SPTBN1: variants seen among roughly 807,000 people sequenced by gnomAD.
SPTBN1 encodes the protein spectrin beta, non-erythrocytic 1.
SPTBN1 carries 32 observed loss-of-function variants against 266.4 expected under a neutral mutation model. The ratio of observed to expected loss-of-function variants is 0.12; its 90% CI spans 0.09 to 0.16. The LOEUF (loss-of-function observed/expected upper bound fraction) is 0.16. Among genes scored for constraint, SPTBN1 ranks in the 10% least tolerant of loss-of-function variants. SPTBN1 has a pLI of 1.00. For synonymous variants in SPTBN1, 1,336 were observed against 1,162.2 expected (o/e 1.15, Z -3.04); for missense variants, 2,296 against 3,067.1 (o/e 0.75, Z 5.94).
At chr2:54,547,083 A>C (rs1280653657) in intron 2 of SPTBN1, among the ~76,000 whole-genome samples, 1 of 152,088 alleles carries the variant, frequency 6.6e-6, no homozygotes, top group Non-Finnish European at 1.5e-5. Context: ...TTTCATTTTG[A>C]AAAACTGAAA....
chr2:54,474,525 A>G (rs563717326), intron 1 of SPTBN1, among the ~76,000 whole-genome samples: 4 of 152,310 alleles, frequency 2.6e-5, no homozygotes, highest in African/African-American at 7.2e-5. Context: ...GTTGGATTAA[A>G]TAAGTTATAG....
rs761461824 is a variant in SPTBN1 at position 54,625,943 on chromosome 2, G to A, written c.1353G>A (p.Gly451=). 1 of 1,613,474 alleles carries A rather than the reference G, an allele frequency of 6.2e-7. No homozygotes were observed. The highest frequency in any genetic ancestry group is 1.3e-5 in the African/African-American group (1 of 75,002). The change falls in exon 12 of 36, where the codon GGG becomes GGA. Residue 451 remains glycine (G), a synonymous_variant. Coordinates refer to ENST00000356805, the MANE Select transcript of SPTBN1 (RefSeq NM_003128.3). ...NQRLVSQDNF[G]FDLPAVEAAT... ...CCGTTTCTCTGTAGGACAACTTTGG[G>A]TTTGACCTTCCTGCAGTTGAGGCCG...
In SPTBN1 at chr2:54,526,500, G is replaced by A. The variant is rs1252120493; in HGVS notation, c.82G>A (p.Asp28Asn). The stretch of plus-strand genomic sequence containing the variant: ...TGATGTCAACAACCGCTGGGATGTC[G>A]ACGACTGGGACAATGAGAACAGCTC... ...YSDVNNRWDV[D>N]DWDNENSSAR... The change falls in exon 2 of 36, where the codon GAC becomes AAC. Residue 28 changes from aspartate to asparagine, a missense_variant. This residue lies in a region of SPTBN1 where 178 missense variants were observed against 375.7 expected (regional missense o/e 0.47). Coordinates refer to ENST00000356805, the MANE Select transcript of SPTBN1 (RefSeq NM_003128.3). The A allele has an allele frequency of 3.1e-6, 5 of 1,614,054 alleles. No individual in the cohort carries two copies. The highest frequency in any genetic ancestry group is 2.2e-5 in the South Asian group (2 of 91,082).
chr2:54,585,196 C>T (rs1185907924), intron 2 of SPTBN1, among the ~76,000 whole-genome samples: 4 of 152,298 alleles, frequency 2.6e-5, no homozygotes, highest in African/African-American at 4.8e-5. Flanking sequence ...TGACCAAGAC[C>T]ATACATTGTC....
chr2:54,558,720 G>A lies in SPTBN1; in HGVS notation c.148+32154G>A. The A allele has an allele frequency of 6.3e-7, 1 of 1,580,858 alleles. No individual in the cohort carries two copies. The highest frequency in any genetic ancestry group is 1.2e-5 in the South Asian group (1 of 86,696). ...GGCTGCTGCGTGTTGGATGGGAGTG[G>A]GAGGGGGCTGGAGCGAGATTTCCAG... On this transcript the variant is annotated intron_variant, in intron 2 of 35. Transcript: ENST00000356805. The surrounding 1 kb of genome is among the most constrained non-coding windows in gnomAD (Gnocchi z 4.6).
intron 2 of SPTBN1, among the ~76,000 whole-genome samples, chr2:54,560,570 A>G (rs1281958312): frequency 6.6e-6 from 1 of 152,134 alleles, no homozygotes; most frequent in Non-Finnish European, 1.5e-5. Flanking sequence ...AAAAAAAATC[A>G]TGTGCCCCTG....
At chr2:54,587,846 T>C (rs1455882588) in intron 2 of SPTBN1, among the ~76,000 whole-genome samples, 5 of 151,776 alleles carry the variant, frequency 3.3e-5, no homozygotes, top group African/African-American at 4.8e-5. Context: ...CGCTGGGGAG[T>C]GGAAGGGGCC....
intron 2 of SPTBN1, among the ~76,000 whole-genome samples, chr2:54,555,100 C>G (rs2104446348): frequency 6.6e-6 from 1 of 152,258 alleles, no homozygotes; most frequent in African/African-American, 2.4e-5. Flanking sequence ...AGTCTCTCTC[C>G]TTAGATTTTC....
At chr2:54,458,762 C>T (rs764944033) in intron 1 of SPTBN1, among the ~76,000 whole-genome samples, 6 of 152,118 alleles carry the variant, frequency 3.9e-5, no homozygotes, top group Non-Finnish European at 8.8e-5. Flanking sequence ...AAATGTCAAC[C>T]CAGGCTTTCC....
rs752141519 is a variant in SPTBN1, at chr2:54,645,224, C to G, written c.4270-5C>G. 73 of 1,613,888 alleles carry G rather than the reference C, an allele frequency of 4.5e-5. No homozygotes were observed. The highest frequency in any genetic ancestry group is 5.9e-5 in the Non-Finnish European group (70 of 1,179,950). On this transcript the variant is annotated splice_region_variant and splice_polypyrimidine_tract_variant and intron_variant, in intron 20 of 35. Transcript: ENST00000356805. The surrounding 1 kb of genome is among the most constrained non-coding windows in gnomAD (Gnocchi z 4.3). ...TGAGCGCTGAGGCTGCTTCTCTGCC[C>G]TCAGATGCTGGAGAATCAGATGGAA...
At chr2:54,478,547 A>G (rs1460680152) in intron 1 of SPTBN1, among the ~76,000 whole-genome samples, 3 of 152,194 alleles carry the variant, frequency 2.0e-5, no homozygotes, top group Non-Finnish European at 4.4e-5. Context: ...TGTATCAAAG[A>G]AGAGTCCAGA....
At chr2:54,507,615 A>G (rs912435401) in intron 1 of SPTBN1, among the ~76,000 whole-genome samples, 2 of 152,318 alleles carry the variant, frequency 1.3e-5, no homozygotes, top group Non-Finnish European at 1.5e-5. Flanking sequence ...AAAAACAGGT[A>G]TAAAAGGACT....
chr2:54,476,752 G>T (rs1181711232), intron 1 of SPTBN1, among the ~76,000 whole-genome samples: 1 of 152,178 alleles, frequency 6.6e-6, no homozygotes, highest in Non-Finnish European at 1.5e-5. Context: ...TTGGGAAGAA[G>T]CTTTGTTTTT....
chr2:54,667,335 T>A (rs1390511432), intron 34 of SPTBN1, among the ~76,000 whole-genome samples: 1 of 152,134 alleles, frequency 6.6e-6, no homozygotes, highest in Non-Finnish European at 1.5e-5. Flanking sequence ...TAAACCCAAA[T>A]GTTATGTTTG....
At position 54,626,904 on chromosome 2, in the gene SPTBN1, A is replaced by G. The variant is rs1046280218; in HGVS notation, c.1644+670A>G. On this transcript the variant is annotated intron_variant, in intron 12 of 35. Coordinates refer to ENST00000356805, the MANE Select transcript of SPTBN1 (RefSeq NM_003128.3). The surrounding 1 kb of genome is among the most constrained non-coding windows in gnomAD (Gnocchi z 4.7). ...CCCCCTTCCCAGGAAGAGACCTGCTATCATGCCATGGCCCTGTACCTGTTC... is the reference window on the plus strand; with the variant it reads ...CCCCCTTCCCAGGAAGAGACCTGCTGTCATGCCATGGCCCTGTACCTGTTC... 5.3e-5 allele frequency among the ~76,000 whole-genome samples: 8 copies of G among 152,328 alleles called. No individual in the cohort carries two copies. Among genetic ancestry groups the G allele is most frequent in the Admixed American group, 3.3e-4 (5 of 15,306 alleles).
intron 4 of SPTBN1, among the ~76,000 whole-genome samples, chr2:54,615,988 G>T (rs370965467): frequency 6.6e-6 from 1 of 152,204 alleles, no homozygotes; most frequent in Admixed American, 6.5e-5. Flanking sequence ...GGGAAGTCCC[G>T]TCAGCCTTCT....
At chr2:54,658,069 G>T (rs1157735123) in intron 30 of SPTBN1, 23 bp downstream of exon 30, 2 of 1,613,770 alleles carry the variant, frequency 1.2e-6, no homozygotes, top group Admixed American at 1.7e-5. Context: ...TGGGCCCTTT[G>T]TCTGTTGGTG....
intron 2 of SPTBN1, among the ~76,000 whole-genome samples, chr2:54,569,196 G>A (rs74586530): frequency 0.025 from 3,793 of 152,174 alleles, 164 homozygotes; most frequent in African/African-American, 0.084. Context: ...GGGAGATAAG[G>A]GAATTCAGTT....
chr2:54,631,381 G>C lies in SPTBN1; in HGVS notation c.3334G>C (p.Asp1112His), dbSNP rs776264412. Residue 1112 changes from aspartate to histidine, a missense_variant, in exon 16 of 36, where the codon GAC (aspartate) becomes CAC (histidine). Asp to His is a moderately conservative substitution (Grantham distance 81, BLOSUM62 -1). Around this residue, in one of 12 missense-constraint regions of SPTBN1, gnomAD observed 386 missense variants for 486.1 expected, o/e 0.79. Transcript: ENST00000356805. ...TQHENIKNEI[D>H]NYEEDYQKMR... is the part of the protein sequence containing the mutation. ...GCACGAGAACATCAAGAACGAGATC[G>C]ACAACTACGAGGAGGACTACCAGAA... The C allele has an allele frequency of 6.2e-7, 1 of 1,614,208 alleles. No individual in the cohort carries two copies. The highest frequency in any genetic ancestry group is 2.2e-5 in the East Asian group (1 of 44,874).
Sources: gnomAD v4.1 joint callset for allele counts (sites outside exome capture counted in the v4.1 genomes callset) on GRCh38, gnomAD v4.1.1 for gene constraint, gnomAD v4.1.1 regional missense constraint, Gnocchi (gnomAD v3.1) non-coding constraint, MANE v1.5 for transcripts, NCBI Gene and HGNC (gene_info 2026-07-23, HGNC 2026-07-21) for gene names.